UBR2: variants seen among roughly 807,000 people sequenced by gnomAD.
UBR2 encodes the protein ubiquitin protein ligase E3 component n-recognin 2, also known as E3 ubiquitin-protein ligase UBR2.
UBR2 carries 92 observed loss-of-function variants against 247.9 expected under a neutral mutation model. The observed-to-expected ratio is 0.37, with a 90% confidence interval of 0.31 to 0.44. UBR2 has a LOEUF of 0.44. Among genes scored for constraint, UBR2 ranks in the 20% least tolerant of loss-of-function variants. The pLI is 1.00. For synonymous variants in UBR2, 672 were observed against 693.5 expected (o/e 0.97, Z 0.49); for missense variants, 1,613 against 2,112.6 (o/e 0.76, Z 4.64).
intron 17 of UBR2, 103 bp from the exon 18 acceptor site, chr6:42,642,313 C>T: frequency 4.1e-6 from 3 of 735,614 alleles, no homozygotes; most frequent in South Asian, 3.2e-5. Flanking sequence ...CCACATCACA[C>T]ACATGCACAC....
At chr6:42,686,758 C>A (rs1159579046) in intron 44 of UBR2, among the ~76,000 whole-genome samples, 1 of 151,828 alleles carries the variant, frequency 6.6e-6, no homozygotes, top group African/African-American at 2.4e-5. Flanking sequence ...CTGCCCCCCA[C>A]CTCCCGGACT....
intron 1 of UBR2, among the ~76,000 whole-genome samples, chr6:42,565,055 G>T (rs531755159): frequency 1.4e-4 from 22 of 152,144 alleles, no homozygotes; most frequent in Admixed American, 2.0e-4. Context: ...AGGAGTTAGG[G>T]GTAATTGGAT....
intron 32 of UBR2, among the ~76,000 whole-genome samples, chr6:42,664,730 G>A (rs1287770140): frequency 6.6e-6 from 1 of 152,222 alleles, no homozygotes; most frequent in Non-Finnish European, 1.5e-5. Flanking sequence ...GATTAACTGT[G>A]TATAAGAAGA....
chr6:42,659,520 TACACACACACACACACAC>T lies in UBR2; in HGVS notation c.3243-111_3243-94del, dbSNP rs59248267. On this transcript the variant is annotated intron_variant, in intron 29 of 46. Transcript: ENST00000372901. The surrounding 1 kb of genome is among the most constrained non-coding windows in gnomAD (Gnocchi z 4.3). Reference sequence around the variant, plus strand: ...GTCTCAAAAAATAAATAAATATATATACACACACACACACACACACACACACACACACACACACACACT... The same window carrying T: ...GTCTCAAAAAATAAATAAATATATATACACACACACACACACACACACACT... The T allele has an allele frequency of 1.8e-4, 89 of 503,082 alleles. No individual in the cohort carries two copies. The highest frequency in any genetic ancestry group is 1.2e-3 in the South Asian group (45 of 37,478). The allele number at this position is 503,082 out of a possible 1,614,324, so 31.2% of individuals were successfully genotyped here.
intron 32 of UBR2, among the ~76,000 whole-genome samples, chr6:42,663,995 C>T (rs1454653050): frequency 6.6e-6 from 1 of 152,012 alleles, no homozygotes; most frequent in Non-Finnish European, 1.5e-5. Flanking sequence ...CCTGTCTGTA[C>T]AAAAAATAAA....
chr6:42,641,900 C>G lies in UBR2; in HGVS notation c.2031+208C>G, dbSNP rs115973565. ...AAAAGTAGAAATGAACAACAGTGGTCATGACTTTTACTTGAAATAATTTTT... is the reference window on the plus strand; with the variant it reads ...AAAAGTAGAAATGAACAACAGTGGTGATGACTTTTACTTGAAATAATTTTT... On this transcript the variant is annotated intron_variant, in intron 17 of 46. Coordinates refer to ENST00000372901, the MANE Select transcript of UBR2 (RefSeq NM_001363705.2). Among the ~76,000 whole-genome samples, 2,140 of 152,162 alleles carry G rather than the reference C, an allele frequency of 0.014. 27 individuals are homozygous for G. The highest frequency in any genetic ancestry group is 0.022 in the Non-Finnish European group (1,515 of 67,976).
In UBR2 at chr6:42,692,869, A is replaced by G. The variant is rs746570523; in HGVS notation, c.*1696A>G. On this transcript the variant is annotated 3_prime_UTR_variant, in exon 47 of 47. Transcript: ENST00000372901. ...ACTCACCCAGCTGAGAGGAGGACCA[A>G]TAGAAAGAAAATTCACATTTGAGTC... 1.3e-5 allele frequency: 2 copies of G among 152,212 alleles called. No individual in the cohort carries two copies. Among genetic ancestry groups the G allele is most frequent in the Non-Finnish European group, 2.9e-5 (2 of 68,038 alleles). 9.4% of individuals were successfully genotyped at this position (152,212 alleles called of 1,614,324 possible).
At chr6:42,643,256 A>G (rs952867057) in intron 18 of UBR2, among the ~76,000 whole-genome samples, 2 of 152,060 alleles carry the variant, frequency 1.3e-5, no homozygotes, top group Admixed American at 1.3e-4. Context: ...TGCTTGTCAC[A>G]TAGTAGTTGT....
intron 43 of UBR2, among the ~76,000 whole-genome samples, chr6:42,684,343 G>A (rs909591271): frequency 3.3e-5 from 5 of 152,030 alleles, no homozygotes; most frequent in African/African-American, 4.8e-5. Flanking sequence ...TTGGGAGGCC[G>A]AGGCGGGCAG....
chr6:42,603,779 G>A lies in UBR2; in HGVS notation c.662+61G>A. On this transcript the variant is annotated intron_variant, in intron 5 of 46. Transcript: ENST00000372901. ...ACTGCTAAATTTTAACTTTAACACA[G>A]CTAGTATAGGGCATAATCATTTTTT... The A allele has an allele frequency of 2.7e-6, 4 of 1,485,208 alleles. No homozygotes were observed. The South Asian group carries it at 5.2e-5, about 19-fold the overall frequency. The allele number at this position is 1,485,208 out of a possible 1,614,324, so 92.0% of individuals were successfully genotyped here. A position where few individuals can be genotyped will look rare whatever the true frequency, so the allele number is the denominator to read the frequency against.
chr6:42,623,788 T>TA (rs1388131959), intron 11 of UBR2, among the ~76,000 whole-genome samples: 1 of 152,174 alleles, frequency 6.6e-6, no homozygotes, highest in Non-Finnish European at 1.5e-5. Context: ...TGTGTTTAAT[T>TA]TTCATGAATT....
chr6:42,603,471 A>C (rs1793510283), intron 4 of UBR2, 117 bp from the exon 5 acceptor site: 1 of 987,522 alleles, frequency 1.0e-6, no homozygotes. Flanking sequence ...GAGAAGCTGA[A>C]GCTGGAAGAC....
rs115120863 is a variant in UBR2 at position 42,689,735 on chromosome 6, C to T, written c.5126+65C>T. 1.2e-3 allele frequency: 1,665 copies of T among 1,432,570 alleles called. 14 individuals are homozygous for T. The African/African-American group carries it at 0.021, about 18-fold the overall frequency. 88.7% of individuals were successfully genotyped at this position (1,432,570 alleles called of 1,614,324 possible). On this transcript the variant is annotated intron_variant, in intron 46 of 46. Transcript: ENST00000372901. The surrounding 1 kb of genome is among the most constrained non-coding windows in gnomAD (Gnocchi z 4.0). ...GCGCCCTTCCGTATGTGGTGACGTC[C>T]TGAGGGTGGAGGGCTGAGGTGGTTC...
rs7746612 is a variant in UBR2 at position 42,605,974 on chromosome 6, A to T, written c.801+115A>T. ...ATATCTAGGCTTTTCTTAAAATTTCATTTGTCATGCCTGTAATCTCAGCAC... is the reference window on the plus strand; with the variant it reads ...ATATCTAGGCTTTTCTTAAAATTTCTTTTGTCATGCCTGTAATCTCAGCAC... On this transcript the variant is annotated intron_variant, in intron 6 of 46. Transcript: ENST00000372901. 2.2e-3 allele frequency: 2,141 copies of T among 980,874 alleles called. 32 individuals carry two copies. In the African/African-American group the frequency reaches 0.033, roughly 15 times the overall value. The allele number at this position is 980,874 out of a possible 1,614,324, so 60.8% of individuals were successfully genotyped here. A position where few individuals can be genotyped will look rare whatever the true frequency, so the allele number is the denominator to read the frequency against.
chr6:42,602,002 TG>T (rs1793408446), intron 4 of UBR2, among the ~76,000 whole-genome samples: 2 of 94,546 alleles, frequency 2.1e-5, no homozygotes, highest in Admixed American at 2.0e-4. Flanking sequence ...CCTAAGTAGC[TG>T]GGATTACAGG....
intron 16 of UBR2, among the ~76,000 whole-genome samples, 160 bp downstream of exon 16, chr6:42,640,430 GTGTGTA>G (rs1796367639): frequency 1.0e-5 from 1 of 99,010 alleles, no homozygotes; most frequent in South Asian, 3.0e-4. Flanking sequence ...GTGTGTGTGT[GTGTGTA>G]TAGATACATA....
intron 4 of UBR2, among the ~76,000 whole-genome samples, chr6:42,598,252 A>G (rs1298587227): frequency 2.0e-5 from 3 of 152,242 alleles, no homozygotes; most frequent in Non-Finnish European, 4.4e-5. Context: ...ATTTTGTGAC[A>G]TGAGAAAATT....
intron 13 of UBR2, among the ~76,000 whole-genome samples, chr6:42,634,487 C>G (rs1426393030): frequency 2.0e-5 from 3 of 152,186 alleles, no homozygotes; most frequent in Non-Finnish European, 4.4e-5. Flanking sequence ...TGGAGGTTTG[C>G]TCTATCGCCC....
At chr6:42,577,731 G>A (rs1015729819) in intron 2 of UBR2, among the ~76,000 whole-genome samples, 4 of 151,788 alleles carry the variant, frequency 2.6e-5, no homozygotes, top group African/African-American at 7.3e-5. Context: ...TTTTTTTAGT[G>A]TAGTTAAATT....
Sources: gnomAD v4.1 joint callset for allele counts (sites outside exome capture counted in the v4.1 genomes callset) on GRCh38, gnomAD v4.1.1 for gene constraint, Gnocchi (gnomAD v3.1) non-coding constraint, MANE v1.5 for transcripts, NCBI Gene and HGNC (gene_info 2026-07-23, HGNC 2026-07-21) for gene names.